The following DIS3L2 variants were observed in gnomAD, a reference collection of about 807,000 sequenced individuals.
The protein encoded by DIS3L2 is DIS3 like 3'-5' exoribonuclease 2.
A neutral mutation model predicts 97.5 loss-of-function variants in DIS3L2; 34 were observed. The observed-to-expected ratio is 0.35, with a 90% CI of 0.27 to 0.46. DIS3L2 has a LOEUF of 0.46. Ranked by LOEUF, DIS3L2 falls within the 20% of genes least tolerant of loss-of-function variation. DIS3L2 has a pLI of 1.00. For missense variants in DIS3L2, 1,038 were observed against 1,146.0 expected (o/e 0.91, Z 1.36); for synonymous variants, 435 against 445.2 (o/e 0.98, Z 0.29).
In DIS3L2 at chr2:232,083,287, C is replaced by A. The variant is rs56258055; in HGVS notation, c.367-4200C>A. Among the ~76,000 whole-genome samples the A allele has an allele frequency of 3.5e-5, 5 of 144,328 alleles. 1 individual carries two copies. Among genetic ancestry groups the A allele is most frequent in the African/African-American group, 1.3e-4 (5 of 39,870 alleles). 94.7% of individuals were successfully genotyped at this position (144,328 alleles called of 152,430 possible). A position where few individuals can be genotyped will look rare whatever the true frequency, so the allele number is the denominator to read the frequency against. Reference sequence around the variant, plus strand: ...CTGATTACAATTTATACCCCCCCCCCCCCCCCCCACATATACATACATGCA... The same window carrying A: ...CTGATTACAATTTATACCCCCCCCCACCCCCCCCACATATACATACATGCA... On this transcript the variant is annotated intron_variant, in intron 5 of 20. Coordinates refer to ENST00000325385, the MANE Select transcript of DIS3L2 (RefSeq NM_152383.5).
At chr2:232,335,503 G>A (rs1695913034) in intron 19 of DIS3L2, 4 of 481,882 alleles carry the variant, frequency 8.3e-6, no homozygotes, top group Non-Finnish European at 1.5e-5. Context: ...CCACCTCAGT[G>A]CAGTCAGCCC....
downstream of DIS3L2, among the ~76,000 whole-genome samples, chr2:232,339,361 C>T (rs1471465381): frequency 6.6e-6 from 1 of 152,194 alleles, no homozygotes; most frequent in East Asian, 1.9e-4. Flanking sequence ...CACCCAGCAG[C>T]GCCGCCAGGA....
At chr2:232,097,692 AGCCAAGG>A (rs1217317661) in intron 6 of DIS3L2, among the ~76,000 whole-genome samples, 1 of 152,106 alleles carries the variant, frequency 6.6e-6, no homozygotes, top group Non-Finnish European at 1.5e-5. Flanking sequence ...GCCATGTAAG[AGCCAAGG>A]CCTAGAATCA....
chr2:232,168,748 T>G (rs1010426675), intron 9 of DIS3L2, among the ~76,000 whole-genome samples: 3 of 152,142 alleles, frequency 2.0e-5, no homozygotes, highest in African/African-American at 7.2e-5. Flanking sequence ...GTCAGTTAAT[T>G]CCTTATTTTT....
intron 13 of DIS3L2, among the ~76,000 whole-genome samples, chr2:232,271,857 CAG>C (rs1189608519): frequency 6.6e-6 from 1 of 152,096 alleles, no homozygotes; most frequent in African/African-American, 2.4e-5. Flanking sequence ...AAGGAAGAGA[CAG>C]AGATTGATTT....
chr2:232,142,432 G>A (rs139645709), intron 8 of DIS3L2, among the ~76,000 whole-genome samples: 29 of 152,198 alleles, frequency 1.9e-4, no homozygotes, highest in African/African-American at 5.5e-4. Flanking sequence ...TTCCAAAGTC[G>A]CCATCTTCAA....
intron 10 of DIS3L2, among the ~76,000 whole-genome samples, chr2:232,222,194 C>T (rs960266688): frequency 1.3e-5 from 2 of 152,078 alleles, no homozygotes; most frequent in African/African-American, 4.8e-5. Flanking sequence ...CCACCCACCT[C>T]GGCTTCCCAA....
At chr2:232,117,394 T>G (rs1697759257) in intron 6 of DIS3L2, among the ~76,000 whole-genome samples, 1 of 152,220 alleles carries the variant, frequency 6.6e-6, no homozygotes, top group South Asian at 2.1e-4. Context: ...ACTTCACAGG[T>G]TCTTACGTAA....
chr2:232,169,333 C>T (rs1003337762), intron 9 of DIS3L2, among the ~76,000 whole-genome samples: 1 of 151,780 alleles, frequency 6.6e-6, no homozygotes, highest in Non-Finnish European at 1.5e-5. Context: ...GTCATATATG[C>T]CGTATATGTC....
chr2:232,258,097 A>AC (rs58328136), intron 12 of DIS3L2, among the ~76,000 whole-genome samples: 1,820 of 152,354 alleles, frequency 0.012, 17 homozygotes, highest in Non-Finnish European at 0.018. Flanking sequence ...CTTACTTAGT[A>AC]CAGTAGGTAG....
chr2:232,153,570 G>A (rs1690381344), intron 8 of DIS3L2, among the ~76,000 whole-genome samples: 2 of 70,080 alleles, frequency 2.9e-5, no homozygotes, highest in Non-Finnish European at 5.6e-5. Flanking sequence ...CGAGAGATCC[G>A]CTGTTAGTCT....
At chr2:232,238,361 G>C (rs981809110) in intron 10 of DIS3L2, among the ~76,000 whole-genome samples, 172 bp from the exon 11 acceptor site, 1 of 152,190 alleles carries the variant, frequency 6.6e-6, no homozygotes, top group Admixed American at 6.5e-5. Context: ...AGTGACAGTA[G>C]TGCGGGTCAC....
At chr2:232,272,479 G>C (rs1202471999) in intron 13 of DIS3L2, among the ~76,000 whole-genome samples, 1 of 152,184 alleles carries the variant, frequency 6.6e-6, no homozygotes, top group Non-Finnish European at 1.5e-5. Context: ...TTTGGAGGGT[G>C]AAGCCGTGAG....
intron 10 of DIS3L2, among the ~76,000 whole-genome samples, chr2:232,225,127 C>T (rs190199046): frequency 7.2e-5 from 11 of 152,232 alleles, no homozygotes; most frequent in African/African-American, 2.4e-4. Flanking sequence ...AATTACAACT[C>T]TCATATACTG....
chr2:232,136,490 A>G lies in DIS3L2; in HGVS notation c.721A>G (p.Lys241Glu). ...TTTTTAGGTGGTTTACATCTTGGAGAAAAAACATTCTCGAGCAGCAACCGG... is the reference window on the plus strand; with the variant it reads ...TTTTTAGGTGGTTTACATCTTGGAGGAAAAACATTCTCGAGCAGCAACCGG... ...RSAKVVYILE[K>E]KHSRAATGFL... The change falls in exon 8 of 21, where the codon AAA becomes GAA. Residue 241 changes from lysine to glutamate, a missense_variant. Coordinates refer to ENST00000325385, the MANE Select transcript of DIS3L2 (RefSeq NM_152383.5). The G allele has an allele frequency of 6.2e-7, 1 of 1,613,882 alleles. No homozygotes were observed. The highest frequency in any genetic ancestry group is 8.5e-7 in the Non-Finnish European group (1 of 1,179,870).
intron 5 of DIS3L2, among the ~76,000 whole-genome samples, chr2:232,085,795 T>TTTTTA (rs775986659): frequency 3.9e-5 from 6 of 152,016 alleles, no homozygotes; most frequent in South Asian, 2.1e-4. Context: ...CTGGATTGGT[T>TTTTTA]TTTTATTTTA....
At chr2:232,221,354 T>C (rs1692502401) in intron 10 of DIS3L2, among the ~76,000 whole-genome samples, 1 of 152,226 alleles carries the variant, frequency 6.6e-6, no homozygotes, top group South Asian at 2.1e-4. Context: ...ACTTTCCTAA[T>C]TAAATGTGAG....
chr2:232,019,305 A>G (rs1444639446), intron 3 of DIS3L2, among the ~76,000 whole-genome samples: 4 of 152,156 alleles, frequency 2.6e-5, no homozygotes, highest in African/African-American at 4.8e-5. Context: ...TAATCCCAGC[A>G]CTTTAGAAGG....
intron 4 of DIS3L2, among the ~76,000 whole-genome samples, chr2:232,026,533 C>T (rs1694662429): frequency 6.6e-6 from 1 of 151,894 alleles, no homozygotes. Context: ...AGTGGAGGCA[C>T]CCCCATTGAG....
Sources: gnomAD v4.1 joint callset for allele counts (sites outside exome capture counted in the v4.1 genomes callset) on GRCh38, gnomAD v4.1.1 for gene constraint, MANE v1.5 for transcripts, NCBI Gene and HGNC (gene_info 2026-07-23, HGNC 2026-07-21) for gene names.